The following PTPRN2 variants were observed in gnomAD, a reference collection of about 807,000 sequenced individuals.
The protein encoded by PTPRN2 is receptor-type tyrosine-protein phosphatase N2.
In PTPRN2, 74 loss-of-function variants were observed where a neutral mutation model predicts 118.8. The observed-to-expected ratio is 0.62, with a 90% CI of 0.52 to 0.76. The LOEUF is 0.76. PTPRN2 is among the 30% of genes least tolerant of loss of function. The probability of loss-of-function intolerance (pLI) is 0.00; values close to 1 mark genes in which losing one functional copy is unlikely to be tolerated. For synonymous variants in PTPRN2, 641 were observed against 608.0 expected, an observed-to-expected ratio of 1.05 and a Z score of -0.80; for missense variants, 1,481 against 1,394.4, an observed-to-expected ratio of 1.06 and a Z score of -0.99.
chr7:157,759,137 C>T (rs1382350225), intron 12 of PTPRN2, among the ~76,000 whole-genome samples: 3 of 152,232 alleles, frequency 2.0e-5, no homozygotes, highest in African/African-American at 7.2e-5. Flanking sequence ...GGGTTCGAGT[C>T]CCTGGATCTG....
At chr7:158,489,851 C>A in intron 1 of PTPRN2, 66 bp from the exon 2 acceptor site, 1 of 1,432,542 alleles carries the variant, frequency 7.0e-7, no homozygotes, top group Non-Finnish European at 9.5e-7. Context: ...CCGAGGCTGC[C>A]TTCCTGGCCC....
chr7:158,340,944 C>A (rs201673174), intron 2 of PTPRN2, among the ~76,000 whole-genome samples: 1 of 84,618 alleles, frequency 1.2e-5, no homozygotes, highest in African/African-American at 4.1e-5. Flanking sequence ...CTCACACTCT[C>A]ACCATAAGAG....
chr7:158,467,462 G>A (rs1819476950), intron 2 of PTPRN2, among the ~76,000 whole-genome samples: 1 of 152,036 alleles, frequency 6.6e-6, no homozygotes, highest in Non-Finnish European at 1.5e-5. Flanking sequence ...GTTTGATATA[G>A]TCCCACTCAT....
At chr7:158,461,029 G>A (rs554963446) in intron 2 of PTPRN2, among the ~76,000 whole-genome samples, 1 of 152,280 alleles carries the variant, frequency 6.6e-6, no homozygotes, top group East Asian at 1.9e-4. Flanking sequence ...TCAAACCCAA[G>A]ACACACTGCA....
intron 11 of PTPRN2, among the ~76,000 whole-genome samples, chr7:157,994,093 A>G (rs941611891): frequency 1.3e-5 from 2 of 152,158 alleles, no homozygotes; most frequent in African/African-American, 4.8e-5. Context: ...CCCACAGAGA[A>G]GACCTAATGT....
At chr7:157,962,027 C>A (rs1021698506) in intron 11 of PTPRN2, among the ~76,000 whole-genome samples, 8 of 152,192 alleles carry the variant, frequency 5.3e-5, no homozygotes, top group Non-Finnish European at 1.2e-4. Context: ...GCTGAAGAGG[C>A]CTCAGTGCCC....
At chr7:157,828,176 T>C (rs958586953) in intron 12 of PTPRN2, among the ~76,000 whole-genome samples, 1 of 152,242 alleles carries the variant, frequency 6.6e-6, no homozygotes, top group Admixed American at 6.5e-5. Flanking sequence ...CAGAGGAAGA[T>C]GGTGGGAGGT....
chr7:157,945,114 C>T (rs548705841), intron 11 of PTPRN2, among the ~76,000 whole-genome samples: 30 of 152,102 alleles, frequency 2.0e-4, no homozygotes, highest in African/African-American at 5.3e-4. Flanking sequence ...GGGAGGAACA[C>T]GGTGAGAGGT....
At chr7:158,535,232 G>T (rs1825578372) in intron 1 of PTPRN2, among the ~76,000 whole-genome samples, 1 of 152,186 alleles carries the variant, frequency 6.6e-6, no homozygotes, top group Admixed American at 6.5e-5. Flanking sequence ...CAGCAGCTTT[G>T]ATCTCAGATA....
At chr7:158,118,391 C>T (rs1351701809) in intron 9 of PTPRN2, among the ~76,000 whole-genome samples, 1 of 151,952 alleles carries the variant, frequency 6.6e-6, no homozygotes, top group Non-Finnish European at 1.5e-5. Context: ...AAGAAAATAG[C>T]TACATAATAC....
intron 1 of PTPRN2, among the ~76,000 whole-genome samples, chr7:158,513,869 T>C (rs1823352298): frequency 6.6e-6 from 1 of 152,222 alleles, no homozygotes; most frequent in Non-Finnish European, 1.5e-5. Context: ...AAGGAACATG[T>C]TAACATCTTT....
chr7:158,393,429 G>A (rs958560148), intron 2 of PTPRN2, among the ~76,000 whole-genome samples: 26 of 152,246 alleles, frequency 1.7e-4, no homozygotes, highest in East Asian at 3.9e-4. Flanking sequence ...GGACGACCCC[G>A]GGCAACTTCA....
intron 2 of PTPRN2, among the ~76,000 whole-genome samples, chr7:158,421,810 T>G (rs561015684): frequency 8.5e-5 from 13 of 152,328 alleles, no homozygotes; most frequent in African/African-American, 2.9e-4. Flanking sequence ...GTTTTACATT[T>G]AAAAGTAGTG....
rs1431160414 is a variant in PTPRN2 at position 158,440,876 on chromosome 7, TGGTGGTGGTGAA to T, written c.163+48847_163+48858del. On this transcript the variant is annotated intron_variant, in intron 2 of 22. Coordinates refer to ENST00000389418, the MANE Select transcript of PTPRN2 (RefSeq NM_002847.5). ...GTGGTGGTGGGGGCAGTGGTATTGG[TGGTGGTGGTGAA>T]GGTGGTGGTGGTGACGGTGATGATG... Among the ~76,000 whole-genome samples, 106 of 144,088 alleles carry T rather than the reference TGGTGGTGGTGAA, an allele frequency of 7.4e-4. 4 individuals carry two copies. Among genetic ancestry groups the T allele is most frequent in the South Asian group, 1.3e-3 (6 of 4,528 alleles). The allele number at this position is 144,088 out of a possible 152,430, so 94.5% of individuals were successfully genotyped here.
chr7:158,057,457 C>T (rs1358567781), intron 11 of PTPRN2, among the ~76,000 whole-genome samples: 2 of 152,222 alleles, frequency 1.3e-5, no homozygotes, highest in African/African-American at 4.8e-5. Flanking sequence ...CAGTCAGTCA[C>T]AGACCGAGCA....
At chr7:158,240,249 C>T (rs555174335) in intron 3 of PTPRN2, among the ~76,000 whole-genome samples, 1,289 of 66,750 alleles carry the variant, frequency 0.019, 15 homozygotes, top group Middle Eastern at 0.032. Context: ...GGGGAATATA[C>T]CAAAAAAGAG....
chr7:158,163,000 C>T (rs550300797), intron 6 of PTPRN2, among the ~76,000 whole-genome samples: 2 of 152,254 alleles, frequency 1.3e-5, no homozygotes, highest in South Asian at 4.1e-4. Flanking sequence ...CCTTCCTGCT[C>T]GGGTGCAGTT....
intron 2 of PTPRN2, among the ~76,000 whole-genome samples, chr7:158,418,774 C>A (rs188634322): frequency 2.2e-3 from 339 of 152,260 alleles, no homozygotes; most frequent in Non-Finnish European, 4.0e-3. Context: ...CAGTGTCCCA[C>A]TGTGTTAAGT....
At chr7:158,072,254 C>T (rs1264918803) in intron 11 of PTPRN2, among the ~76,000 whole-genome samples, 1 of 152,148 alleles carries the variant, frequency 6.6e-6, no homozygotes, top group Non-Finnish European at 1.5e-5. Context: ...CTGTCCTGGC[C>T]GATAAGTCCG....
Sources: allele counts gnomAD v4.1 joint callset (sites outside exome capture counted in the v4.1 genomes callset), GRCh38; gene constraint gnomAD v4.1.1; transcripts MANE v1.5; gene names NCBI Gene and HGNC (gene_info 2026-07-23, HGNC 2026-07-21).